The following SLC2A14 variants were observed in gnomAD, a reference collection of about 807,000 sequenced individuals.
SLC2A14 encodes the protein solute carrier family 2 member 14.
SLC2A14 carries 13 observed loss-of-function variants against 43.0 expected under a neutral mutation model. The ratio of observed to expected loss-of-function variants is 0.30; its 90% confidence interval spans 0.20 to 0.48. The LOEUF is 0.48. SLC2A14 is among the 20% of genes least tolerant of loss of function. The probability of loss-of-function intolerance (pLI) is 0.99; values close to 1 mark genes in which losing one functional copy is unlikely to be tolerated. For missense variants in SLC2A14, 428 were observed against 620.4 expected, an observed-to-expected ratio of 0.69 and a Z score of 3.29; for synonymous variants, 190 against 233.8, an observed-to-expected ratio of 0.81 and a Z score of 1.71.
At chr12:7,889,840 AT>A (rs1437180748) in intron 1 of SLC2A14, among the ~76,000 whole-genome samples, 2 of 152,092 alleles carry the variant, frequency 1.3e-5, no homozygotes, top group African/African-American at 2.4e-5. Context: ...CTGGTTGCCC[AT>A]TTTTATGGTT....
intron 2 of SLC2A14, among the ~76,000 whole-genome samples, chr12:7,845,212 A>G (rs944396436): frequency 1.3e-5 from 2 of 152,102 alleles, no homozygotes; most frequent in Admixed American, 1.3e-4. Flanking sequence ...GCAAACCTCT[A>G]TGGTTGGTCA....
At chr12:7,865,593 T>C (rs992899676) in intron 2 of SLC2A14, among the ~76,000 whole-genome samples, 4 of 152,002 alleles carry the variant, frequency 2.6e-5, no homozygotes, top group Admixed American at 6.6e-5. Context: ...TAATAAATAC[T>C]GTATGCATTC....
intron 10 of SLC2A14, among the ~76,000 whole-genome samples, chr12:7,815,268 T>C (rs1863333661): frequency 6.7e-6 from 1 of 149,648 alleles, no homozygotes; most frequent in Non-Finnish European, 1.5e-5. Flanking sequence ...AAAAAAAAAA[T>C]TGCTGGGAGT....
intron 7 of SLC2A14, 110 bp downstream of exon 7, chr12:7,827,385 C>G (rs1864586530): frequency 2.1e-6 from 3 of 1,458,956 alleles, no homozygotes; most frequent in Admixed American, 2.3e-5. Flanking sequence ...AAGCGATTCT[C>G]CTGCCTCAGC....
At chr12:7,830,356 T>C (rs1045201912) in intron 4 of SLC2A14, among the ~76,000 whole-genome samples, 1 of 152,204 alleles carries the variant, frequency 6.6e-6, no homozygotes, top group Non-Finnish European at 1.5e-5. Flanking sequence ...TTTCACCATC[T>C]TGACCAGGCT....
At chr12:7,818,126 G>C in intron 9 of SLC2A14, 92 bp from the exon 10 acceptor site, 1 of 1,096,350 alleles carries the variant, frequency 9.1e-7, no homozygotes, top group Non-Finnish European at 1.3e-6. Flanking sequence ...AGCTCCTCCT[G>C]TCCTGACGTA....
At position 7,871,794 on chromosome 12, in the gene SLC2A14, G is replaced by A. The variant is rs751499924; in HGVS notation, c.-58+1013C>T. On this transcript the variant is annotated intron_variant, in intron 1 of 10. Coordinates refer to ENST00000431042, the MANE Select transcript of SLC2A14 (RefSeq NM_001286234.2). ...CACATGCATCCCCACCCAAACACAA[G>A]TTCACCAAAGTCCCCTCTCAGAGGA... 4 of 547,500 alleles carry A rather than the reference G, an allele frequency of 7.3e-6. No individual in the cohort carries two copies. The African/African-American group carries it at 8.2e-5, about 11-fold the overall frequency. 33.9% of individuals were successfully genotyped at this position (547,500 alleles called of 1,614,324 possible).
At chr12:7,840,426 C>T (rs1210217799) in intron 2 of SLC2A14, among the ~76,000 whole-genome samples, 1 of 152,016 alleles carries the variant, frequency 6.6e-6, no homozygotes, top group Non-Finnish European at 1.5e-5. Flanking sequence ...GTCGCCTAGT[C>T]TGGAGTGCAA....
intron 2 of SLC2A14, among the ~76,000 whole-genome samples, chr12:7,842,032 T>G (rs1374850331): frequency 6.6e-6 from 1 of 151,462 alleles, no homozygotes; most frequent in East Asian, 1.9e-4. Context: ...AAAGATCCCA[T>G]GTTCCACCTC....
chr12:7,881,663 G>A (rs935735999), intron 1 of SLC2A14, among the ~76,000 whole-genome samples: 23 of 152,176 alleles, frequency 1.5e-4, no homozygotes, highest in Admixed American at 5.9e-4. Flanking sequence ...GAGTGTGGGC[G>A]CAGGGTGCGG....
At chr12:7,841,993 G>A (rs1465844709) in intron 2 of SLC2A14, among the ~76,000 whole-genome samples, 9 of 149,500 alleles carry the variant, frequency 6.0e-5, no homozygotes, top group African/African-American at 1.5e-4. Context: ...CAACAAGAGC[G>A]AAACTCTGTC....
At chr12:7,814,990 G>A (rs1863306624) in intron 10 of SLC2A14, among the ~76,000 whole-genome samples, 1 of 151,874 alleles carries the variant, frequency 6.6e-6, no homozygotes, top group African/African-American at 2.4e-5. Context: ...AGCAGAGATG[G>A]GGTTTCACCA....
intron 5 of SLC2A14, among the ~76,000 whole-genome samples, chr12:7,829,153 A>C (rs1311324270): frequency 2.0e-5 from 3 of 151,562 alleles, no homozygotes; most frequent in Non-Finnish European, 2.9e-5. Flanking sequence ...CGGAGGTTGC[A>C]GTGAGCCGAG....
rs979429079 is a variant in SLC2A14 at position 7,813,343 on chromosome 12, A to G, written c.*973T>C. 3 of 152,186 alleles carry G rather than the reference A, an allele frequency of 2.0e-5. No individual in the cohort carries two copies. Among genetic ancestry groups the G allele is most frequent in the Non-Finnish European group, 4.4e-5 (3 of 68,044 alleles). The allele number at this position is 152,186 out of a possible 1,614,324, so 9.4% of individuals were successfully genotyped here. A position where few individuals can be genotyped will look rare whatever the true frequency, so the allele number is the denominator to read the frequency against. ...AGGTGGCGGGATTACTTCAAAAGTA[A>G]TGAGACTACTACAAGGAGTTATTTC... On this transcript the variant is annotated 3_prime_UTR_variant, in exon 11 of 11. Transcript: ENST00000431042.
chr12:7,821,161 T>G, intron 8 of SLC2A14, 60 bp downstream of exon 8: 1 of 1,307,266 alleles, frequency 7.6e-7, no homozygotes, highest in Non-Finnish European at 1.1e-6. Context: ...CAATCCATCT[T>G]TGAACATCTG....
intron 7 of SLC2A14, among the ~76,000 whole-genome samples, chr12:7,824,010 C>T (rs1042123526): frequency 1.1e-4 from 16 of 152,110 alleles, no homozygotes; most frequent in African/African-American, 3.1e-4. Context: ...AATCCCAGCA[C>T]ATTGGGAGGC....
At chr12:7,834,716 A>G (rs751834015) in intron 2 of SLC2A14, among the ~76,000 whole-genome samples, 10 of 109,538 alleles carry the variant, frequency 9.1e-5, no homozygotes, top group African/African-American at 2.6e-4. Context: ...CCCTGCCTCA[A>G]AAAAGAAAAA....
At chr12:7,880,599 C>T (rs960292394) in intron 1 of SLC2A14, among the ~76,000 whole-genome samples, 10 of 148,076 alleles carry the variant, frequency 6.8e-5, no homozygotes, top group Admixed American at 1.4e-4. Context: ...GAGACTGAGG[C>T]GGATGGATCA....
intron 2 of SLC2A14, among the ~76,000 whole-genome samples, chr12:7,855,724 G>A (rs1373557180): frequency 2.0e-5 from 3 of 151,864 alleles, no homozygotes; most frequent in Admixed American, 6.6e-5. Flanking sequence ...TGCAACCTCC[G>A]CCTCCCAGGT....
Sources: allele counts gnomAD v4.1 joint callset (sites outside exome capture counted in the v4.1 genomes callset), GRCh38; gene constraint gnomAD v4.1.1; transcripts MANE v1.5; gene names NCBI Gene and HGNC (gene_info 2026-07-23, HGNC 2026-07-21).